SOX6: variants seen among roughly 807,000 people sequenced by gnomAD.
SOX6 encodes the protein transcription factor SOX-6.
A neutral mutation model predicts 97.8 loss-of-function variants in SOX6; 11 were observed. The ratio of observed to expected loss-of-function variants is 0.11; its 90% CI spans 0.07 to 0.19. SOX6 has a LOEUF of 0.19. SOX6 is among the 10% of genes least tolerant of loss of function. The probability of loss-of-function intolerance (pLI) is 1.00; values close to 1 mark genes in which losing one functional copy is unlikely to be tolerated. For missense variants in SOX6, 810 were observed against 1,039.5 expected (o/e 0.78, Z 3.04); for synonymous variants, 360 against 371.4 (o/e 0.97, Z 0.35).
intron 1 of SOX6, among the ~76,000 whole-genome samples, chr11:16,411,871 C>A (rs1858827675): frequency 6.6e-6 from 1 of 151,944 alleles, no homozygotes; most frequent in East Asian, 1.9e-4. Context: ...TAATTTGAAG[C>A]AAATCTATTA....
At chr11:16,189,039 G>A (rs1217108787) in intron 4 of SOX6, among the ~76,000 whole-genome samples, 2 of 152,032 alleles carry the variant, frequency 1.3e-5, no homozygotes, top group Non-Finnish European at 2.9e-5. Context: ...CTCCAGCCTG[G>A]GTGTAGGAGT....
At chr11:16,454,455 T>C (rs1369280030) in intron 1 of SOX6, among the ~76,000 whole-genome samples, 1 of 152,052 alleles carries the variant, frequency 6.6e-6, no homozygotes, top group Non-Finnish European at 1.5e-5. Context: ...ATATTTATTA[T>C]TGTGGTTTCT....
intron 15 of SOX6, among the ~76,000 whole-genome samples, chr11:15,974,321 G>A (rs866357964): frequency 6.2e-5 from 9 of 144,578 alleles, no homozygotes; most frequent in African/African-American, 2.3e-4. Flanking sequence ...CTGAATCTAT[G>A]AAGAAGTAGC....
chr11:16,033,640 G>A (rs1434102992), intron 12 of SOX6, among the ~76,000 whole-genome samples: 1 of 152,186 alleles, frequency 6.6e-6, no homozygotes, highest in East Asian at 1.9e-4. Flanking sequence ...GGAGGCTGAG[G>A]CAGGTGCATC....
chr11:16,685,544 T>A (rs911786889), intron 3 of SOX6, among the ~76,000 whole-genome samples: 1 of 152,262 alleles, frequency 6.6e-6, no homozygotes, highest in African/African-American at 2.4e-5. Flanking sequence ...TGACTCCATG[T>A]CCCACATCCC....
At chr11:16,141,551 C>T (rs1447557275) in intron 6 of SOX6, among the ~76,000 whole-genome samples, 2 of 152,042 alleles carry the variant, frequency 1.3e-5, no homozygotes, top group Non-Finnish European at 2.9e-5. Context: ...GAGCGTGAGC[C>T]AAAGCATGGC....
intron 3 of SOX6, among the ~76,000 whole-genome samples, chr11:16,682,285 A>C (rs1194503525): frequency 6.6e-6 from 1 of 152,226 alleles, no homozygotes; most frequent in Non-Finnish European, 1.5e-5. Context: ...GCACCACTGC[A>C]CTCTAGCCTG....
At chr11:16,075,044 A>C (rs987944209) in intron 9 of SOX6, among the ~76,000 whole-genome samples, 3 of 152,160 alleles carry the variant, frequency 2.0e-5, no homozygotes, top group Admixed American at 6.5e-5. Flanking sequence ...CACATAGACC[A>C]ATGGAACAGA....
chr11:16,290,174 A>C (rs1358381188), intron 3 of SOX6, among the ~76,000 whole-genome samples: 2 of 151,934 alleles, frequency 1.3e-5, no homozygotes, highest in East Asian at 3.9e-4. Context: ...ATGAATCTTC[A>C]TTTCTTCTAA....
At chr11:16,058,519 C>T (rs74949300) in intron 9 of SOX6, among the ~76,000 whole-genome samples, 18 of 152,162 alleles carry the variant, frequency 1.2e-4, no homozygotes, top group Non-Finnish European at 2.5e-4. Context: ...TGGGCTTCAG[C>T]ATAAGGTAAT....
chr11:16,441,782 T>C (rs561858885), intron 1 of SOX6, among the ~76,000 whole-genome samples: 13 of 152,290 alleles, frequency 8.5e-5, no homozygotes, highest in Admixed American at 2.6e-4. Context: ...AATCTCCACA[T>C]AGTCCCCTAC....
intron 1 of SOX6, among the ~76,000 whole-genome samples, chr11:16,396,859 CAAATAG>C (rs1207773430): frequency 2.0e-5 from 3 of 151,332 alleles, no homozygotes; most frequent in African/African-American, 7.3e-5. Context: ...TTTCTTTGTA[CAAATAG>C]CACAGAGCCT....
At chr11:16,368,500 A>G (rs1366407413) in intron 1 of SOX6, among the ~76,000 whole-genome samples, 3 of 152,186 alleles carry the variant, frequency 2.0e-5, no homozygotes, top group Non-Finnish European at 4.4e-5. Flanking sequence ...TAATAATAAT[A>G]AAAGAATTAA....
intron 4 of SOX6, among the ~76,000 whole-genome samples, chr11:16,561,388 C>A (rs186992433): frequency 1.2e-3 from 178 of 152,184 alleles, no homozygotes; most frequent in South Asian, 2.5e-3. Context: ...AACCCAGACA[C>A]CTCCTAAGAT....
chr11:16,478,672 T>G (rs1351226881), upstream of SOX6, among the ~76,000 whole-genome samples: 1 of 152,216 alleles, frequency 6.6e-6, no homozygotes, highest in African/African-American at 2.4e-5. Context: ...ATGACTTTAA[T>G]GCATAGTTCT....
intron 3 of SOX6, among the ~76,000 whole-genome samples, chr11:16,702,161 G>T (rs1166389505): frequency 6.6e-6 from 1 of 152,076 alleles, no homozygotes; most frequent in East Asian, 1.9e-4. Flanking sequence ...AAATCACTTG[G>T]ACTAATTTAG....
chr11:16,247,508 G>A (rs1388415257), intron 3 of SOX6, among the ~76,000 whole-genome samples: 1 of 152,080 alleles, frequency 6.6e-6, no homozygotes, highest in Admixed American at 6.6e-5. Context: ...GCAGGGCTGG[G>A]GAGGCCTCAG....
upstream of SOX6, among the ~76,000 whole-genome samples, chr11:16,360,743 C>T (rs12280243): frequency 0.011 from 1,670 of 152,220 alleles, 46 homozygotes; most frequent in East Asian, 0.1. Context: ...GTGGCTCACG[C>T]CTGTAATCCC....
chr11:16,284,126 C>T (rs922973476), intron 3 of SOX6, among the ~76,000 whole-genome samples: 1 of 152,098 alleles, frequency 6.6e-6, no homozygotes, highest in Non-Finnish European at 1.5e-5. Context: ...TCTCTCAAGT[C>T]TATCAAGCTG....
Sources: gnomAD v4.1 joint callset for allele counts (sites outside exome capture counted in the v4.1 genomes callset) on GRCh38, gnomAD v4.1.1 for gene constraint, MANE v1.5 for transcripts, NCBI Gene and HGNC (gene_info 2026-07-23, HGNC 2026-07-21) for gene names.